The following TMEM232 variants were observed in gnomAD, a reference collection of about 807,000 sequenced individuals.
TMEM232 encodes the protein transmembrane protein 232.
TMEM232 carries 80 observed loss-of-function variants against 78.8 expected under a neutral mutation model. The ratio of observed to expected loss-of-function variants is 1.01; its 90% confidence interval spans 0.85 to 1.22. TMEM232 has a LOEUF of 1.22. TMEM232 is among the 50% of genes most tolerant of loss of function. TMEM232 has a pLI of 0.00. For missense variants in TMEM232, 881 were observed against 742.2 expected (o/e 1.19, Z -2.17); for synonymous variants, 297 against 254.3 (o/e 1.17, Z -1.60).
At chr5:110,665,392 G>T (rs184970389) in intron 2 of TMEM232, among the ~76,000 whole-genome samples, 1 of 152,128 alleles carries the variant, frequency 6.6e-6, no homozygotes. Flanking sequence ...ATAAAGATAC[G>T]ACTTGAGACT....
intron 5 of TMEM232, among the ~76,000 whole-genome samples, chr5:110,629,796 T>C (rs530222209): frequency 5.6e-4 from 86 of 152,310 alleles, no homozygotes; most frequent in African/African-American, 1.9e-3. Flanking sequence ...CTAATACATA[T>C]AAAACTGTTG....
chr5:110,551,953 G>C lies in TMEM232; in HGVS notation c.1455+16494C>G, dbSNP rs150861357. Among the ~76,000 whole-genome samples the C allele has an allele frequency of 1.0e-3, 153 of 151,962 alleles. 1 individual carries two copies. The highest frequency in any genetic ancestry group is 3.5e-3 in the African/African-American group (147 of 41,458). ...ACCAAAAATAAAAATTTAATGGCCA[G>C]GCTACCTGCACAGATTAAAAAACAA... On this transcript the variant is annotated intron_variant, in intron 11 of 13. Transcript: ENST00000455884.
intron 10 of TMEM232, among the ~76,000 whole-genome samples, chr5:110,599,659 T>C (rs1780648491): frequency 6.6e-6 from 1 of 152,138 alleles, no homozygotes; most frequent in South Asian, 2.1e-4. Flanking sequence ...GCCCTCAGAT[T>C]CATAAAGCAA....
chr5:110,697,730 A>T (rs1439602022), intron 1 of TMEM232, among the ~76,000 whole-genome samples: 1 of 152,196 alleles, frequency 6.6e-6, no homozygotes, highest in East Asian at 1.9e-4. Flanking sequence ...GAGAAATGCA[A>T]ATTCAAACCG....
At chr5:110,650,771 A>G (rs930551324) in intron 2 of TMEM232, among the ~76,000 whole-genome samples, 3 of 152,126 alleles carry the variant, frequency 2.0e-5, no homozygotes, top group Admixed American at 6.6e-5. Context: ...TGGAACAGAA[A>G]AAAGGAAATT....
At chr5:110,397,438 G>A (rs1270498677) in intron 3 of TMEM232, among the ~76,000 whole-genome samples, 2 of 152,076 alleles carry the variant, frequency 1.3e-5, no homozygotes, top group Non-Finnish European at 2.9e-5. Flanking sequence ...TCTTTTCTTT[G>A]TGTATTATTA....
At chr5:110,490,447 C>T (rs542954966) in intron 12 of TMEM232, among the ~76,000 whole-genome samples, 1 of 152,128 alleles carries the variant, frequency 6.6e-6, no homozygotes, top group Non-Finnish European at 1.5e-5. Context: ...GTGAATTAAT[C>T]AACCTATTCC....
chr5:110,448,281 G>C (rs1281610004), intron 12 of TMEM232, among the ~76,000 whole-genome samples: 1 of 151,934 alleles, frequency 6.6e-6, no homozygotes, highest in Non-Finnish European at 1.5e-5. Context: ...CTTTGCATAA[G>C]TACTTAAACT....
rs1756524287 is a variant in TMEM232 at position 110,420,552 on chromosome 5, T to C, written c.*28A>G. ...TGTATTTCTGCCATGTAGTCCTCAA[T>C]TTTGGGAGGTGACATTTTCTTTTCT... is the stretch of plus-strand genomic sequence containing the variant. On this transcript the variant is annotated 3_prime_UTR_variant, in exon 14 of 14. Transcript: ENST00000455884. 7.2e-7 allele frequency: 1 copy of C among 1,391,174 alleles called. No homozygotes were observed. The highest frequency in any genetic ancestry group is 1.5e-5 in the African/African-American group (1 of 66,042). 86.2% of individuals were successfully genotyped at this position (1,391,174 alleles called of 1,614,324 possible). A position where few individuals can be genotyped will look rare whatever the true frequency, so the allele number is the denominator to read the frequency against.
At chr5:110,648,592 T>C (rs1330014848) in intron 2 of TMEM232, among the ~76,000 whole-genome samples, 1 of 152,040 alleles carries the variant, frequency 6.6e-6, no homozygotes, top group Non-Finnish European at 1.5e-5. Context: ...AAATTTGAGC[T>C]TGGGTTATTT....
At chr5:110,493,072 A>G (rs1765280611) in intron 12 of TMEM232, among the ~76,000 whole-genome samples, 1 of 151,994 alleles carries the variant, frequency 6.6e-6, no homozygotes, top group South Asian at 2.1e-4. Context: ...TATAATGACA[A>G]TTTGTAAACA....
At position 110,453,583 on chromosome 5, in the gene TMEM232, G is replaced by A. The variant is rs563601818; in HGVS notation, c.1704-28667C>T. Among the ~76,000 whole-genome samples the A allele has an allele frequency of 5.9e-5, 9 of 152,276 alleles. 1 individual carries two copies. The South Asian group carries it at 1.7e-3, about 28-fold the overall frequency. Reference sequence around the variant, plus strand: ...TGCAAAGTGCTGGGATTACAGGCGTGAGCCACGTATACCTTTAAAACTTGA... The same window carrying A: ...TGCAAAGTGCTGGGATTACAGGCGTAAGCCACGTATACCTTTAAAACTTGA... On this transcript the variant is annotated intron_variant, in intron 12 of 13. Transcript: ENST00000455884.
Position 110,442,211 on chromosome 5 carries a change from CT to C in TMEM232, c.1704-17296del, listed in dbSNP as rs374338906. 1.3e-3 allele frequency among the ~76,000 whole-genome samples: 191 copies of C among 152,186 alleles called. 2 individuals carry two copies. Among genetic ancestry groups the C allele is most frequent in the African/African-American group, 4.4e-3 (184 of 41,512 alleles). Reference sequence around the variant, plus strand: ...ATCTCTTTGAATATACTTTCTACCCCTATCTCTTTTTCTACTTTCTCTTTAA... The same window carrying C: ...ATCTCTTTGAATATACTTTCTACCCCATCTCTTTTTCTACTTTCTCTTTAA... On this transcript the variant is annotated intron_variant, in intron 12 of 13. Coordinates refer to ENST00000455884, the MANE Select transcript of TMEM232 (RefSeq NM_001039763.4).
chr5:110,584,525 G>T lies in TMEM232; in HGVS notation c.1277-15900C>A, dbSNP rs1778582801. Among the ~76,000 whole-genome samples the T allele has an allele frequency of 2.0e-5, 3 of 151,896 alleles. No homozygotes were observed. In the South Asian group the frequency reaches 6.2e-4, roughly 32 times the overall value. Reference sequence around the variant, plus strand: ...GCAATAAGAGAATTGCGAATCAATGGGTATAACATTTCAGTAATACAAGAT... The same window carrying T: ...GCAATAAGAGAATTGCGAATCAATGTGTATAACATTTCAGTAATACAAGAT... On this transcript the variant is annotated intron_variant, in intron 10 of 13. Coordinates refer to ENST00000455884, the MANE Select transcript of TMEM232 (RefSeq NM_001039763.4).
At chr5:110,590,742 A>C (rs1349910612) in intron 10 of TMEM232, among the ~76,000 whole-genome samples, 2 of 152,176 alleles carry the variant, frequency 1.3e-5, no homozygotes, top group East Asian at 3.9e-4. Flanking sequence ...GTAATTTATA[A>C]ATAAAAGAGG....
intron 1 of TMEM232, among the ~76,000 whole-genome samples, chr5:110,696,947 C>T (rs1794864037): frequency 6.6e-6 from 1 of 152,152 alleles, no homozygotes; most frequent in Non-Finnish European, 1.5e-5. Context: ...GAAAAAACTA[C>T]TTTAAAGTTC....
chr5:110,727,202 C>A (rs1431822807), upstream of TMEM232, among the ~76,000 whole-genome samples: 1 of 152,074 alleles, frequency 6.6e-6, no homozygotes, highest in Non-Finnish European at 1.5e-5. Flanking sequence ...TAATATAAGT[C>A]CTTTAAAAAT....
chr5:110,706,595 G>T (rs149592427), intron 1 of TMEM232, among the ~76,000 whole-genome samples: 1 of 152,038 alleles, frequency 6.6e-6, no homozygotes, highest in Admixed American at 6.6e-5. Context: ...CTGACTGACT[G>T]AGGGCTTTTC....
intron 4 of TMEM232, among the ~76,000 whole-genome samples, chr5:110,388,571 C>T (rs1468978507): frequency 6.6e-6 from 1 of 152,178 alleles, no homozygotes; most frequent in African/African-American, 2.4e-5. Flanking sequence ...TCTTTTTTAA[C>T]TCCTATATCA....
Sources: allele counts gnomAD v4.1 joint callset (sites outside exome capture counted in the v4.1 genomes callset), GRCh38; gene constraint gnomAD v4.1.1; transcripts MANE v1.5; gene names NCBI Gene and HGNC (gene_info 2026-07-23, HGNC 2026-07-21).